Variants in RALGAPB observed in about 807,000 individuals in gnomAD.
RALGAPB encodes ral GTPase-activating protein subunit beta.
In RALGAPB, 25 loss-of-function variants were observed where a neutral mutation model predicts 161.1. The ratio of observed to expected loss-of-function variants is 0.16; its 90% CI spans 0.11 to 0.22. RALGAPB has a LOEUF of 0.22. Ranked by LOEUF, RALGAPB falls within the 10% of genes least tolerant of loss-of-function variation. RALGAPB has a pLI of 1.00. For synonymous variants in RALGAPB, 629 were observed against 626.1 expected (o/e 1.00, Z -0.07); for missense variants, 1,391 against 1,815.2 (o/e 0.77, Z 4.25).
At chr20:38,496,572 G>A (rs1304410453) in intron 3 of RALGAPB, among the ~76,000 whole-genome samples, 2 of 152,028 alleles carry the variant, frequency 1.3e-5, no homozygotes, top group Non-Finnish European at 2.9e-5. Context: ...GGAAAGTGAG[G>A]GTAAGGGCTG....
At chr20:38,541,473 A>AC (rs1156782679) in intron 18 of RALGAPB, among the ~76,000 whole-genome samples, 1 of 150,942 alleles carries the variant, frequency 6.6e-6, no homozygotes, top group East Asian at 1.9e-4. Context: ...GACTTACTGT[A>AC]CCCCCTCACT....
chr20:38,495,483 T>C (rs1316174586), intron 3 of RALGAPB, among the ~76,000 whole-genome samples: 1 of 152,208 alleles, frequency 6.6e-6, no homozygotes, highest in Non-Finnish European at 1.5e-5. Context: ...TCAGTTCTGC[T>C]GGTGTGGCAT....
At chr20:38,496,948 AT>A (rs1336363119) in intron 3 of RALGAPB, among the ~76,000 whole-genome samples, 2 of 152,218 alleles carry the variant, frequency 1.3e-5, no homozygotes, top group East Asian at 1.9e-4. Context: ...GTTTAAAAAA[AT>A]TAAAAAAGAA....
chr20:38,571,534 A>G (rs1365542523), intron 28 of RALGAPB, among the ~76,000 whole-genome samples: 1 of 152,204 alleles, frequency 6.6e-6, no homozygotes, highest in Non-Finnish European at 1.5e-5. Context: ...TGCAGATGGC[A>G]GGATTTCCAT....
rs1263800544 is a variant in RALGAPB at position 38,576,816 on chromosome 20, A to T, written c.*1849A>T. ...AGTTGAAGTGAGCAGAGAAGGCTAT[A>T]AATTAATATGTAACTTACAGCATTC... On this transcript the variant is annotated 3_prime_UTR_variant, in exon 30 of 30. Coordinates refer to ENST00000262879, the MANE Select transcript of RALGAPB (RefSeq NM_020336.4). 1 of 152,650 alleles carries T rather than the reference A, an allele frequency of 6.6e-6. No homozygotes were observed. The highest frequency in any genetic ancestry group is 1.5e-5 in the Non-Finnish European group (1 of 68,040). The allele number at this position is 152,650 out of a possible 1,614,324, so 9.5% of individuals were successfully genotyped here. A position where few individuals can be genotyped will look rare whatever the true frequency, so the allele number is the denominator to read the frequency against.
intron 13 of RALGAPB, 56 bp from the exon 14 acceptor site, chr20:38,531,111 C>T (rs373748054): frequency 2.7e-5 from 37 of 1,361,534 alleles, no homozygotes; most frequent in African/African-American, 5.8e-5. Flanking sequence ...AAATGTCTTA[C>T]GCATTTTAGT....
chr20:38,546,212 A>G (rs756088286), intron 18 of RALGAPB, 31 bp from the exon 19 acceptor site: 34 of 1,611,976 alleles, frequency 2.1e-5, no homozygotes, highest in Non-Finnish European at 2.9e-5. Context: ...TTGCTTTGGG[A>G]ATTAACTGTT....
chr20:38,509,380 G>A lies in RALGAPB; in HGVS notation c.872+172G>A, dbSNP rs75348338. On this transcript the variant is annotated intron_variant, in intron 6 of 29. Coordinates refer to ENST00000262879, the MANE Select transcript of RALGAPB (RefSeq NM_020336.4). The stretch of plus-strand genomic sequence containing the variant: ...CTGTCCTGTGCCTCCTGCTCTCCCC[G>A]TCCCAGCAGGGTTAGGCTGTCCTCA... Among the ~76,000 whole-genome samples the A allele has an allele frequency of 9.4e-3, 1,425 of 152,232 alleles. 8 individuals are homozygous for A. Among genetic ancestry groups the A allele is most frequent in the Middle Eastern group, 0.02 (6 of 294 alleles).
At chr20:38,549,040 G>A (rs2087269540) in intron 20 of RALGAPB, among the ~76,000 whole-genome samples, 1 of 152,068 alleles carries the variant, frequency 6.6e-6, no homozygotes, top group African/African-American at 2.4e-5. Context: ...ATCTACTTAG[G>A]AGTAATTGCT....
intron 6 of RALGAPB, among the ~76,000 whole-genome samples, chr20:38,513,021 A>G (rs2086010865): frequency 6.6e-6 from 1 of 152,036 alleles, no homozygotes; most frequent in Non-Finnish European, 1.5e-5. Flanking sequence ...CGGCCTCTCA[A>G]AGTGCTAGGA....
chr20:38,480,842 G>A (rs1294833866), intron 1 of RALGAPB, among the ~76,000 whole-genome samples: 29 of 136,484 alleles, frequency 2.1e-4, no homozygotes, highest in African/African-American at 7.1e-4. Context: ...GGTTCACACC[G>A]TTCTCCTGCC....
chr20:38,521,037 A>G (rs2086274171), intron 9 of RALGAPB, among the ~76,000 whole-genome samples: 1 of 152,156 alleles, frequency 6.6e-6, no homozygotes, highest in African/African-American at 2.4e-5. Context: ...CCCTCTCCCT[A>G]AAGTATACAG....
chr20:38,523,249 A>G (rs547372945), intron 10 of RALGAPB, among the ~76,000 whole-genome samples: 59 of 152,296 alleles, frequency 3.9e-4, no homozygotes, highest in African/African-American at 1.3e-3. Flanking sequence ...ACTCCTGGGA[A>G]GGAGGATCTA....
At chr20:38,568,895 A>G (rs1242344511) in intron 26 of RALGAPB, 1 of 152,176 alleles carries the variant, frequency 6.6e-6, no homozygotes, top group Non-Finnish European at 1.5e-5. Context: ...TTCCAAGTAG[A>G]CCTGACCTAA....
At position 38,575,026 on chromosome 20, in the gene RALGAPB, G is replaced by T; in HGVS notation, c.*59G>T. 2 of 1,334,092 alleles carry T rather than the reference G, an allele frequency of 1.5e-6. No homozygotes were observed. Among genetic ancestry groups the T allele is most frequent in the Non-Finnish European group, 2.2e-6 (2 of 928,622 alleles). The allele number at this position is 1,334,092 out of a possible 1,614,324, so 82.6% of individuals were successfully genotyped here. On this transcript the variant is annotated 3_prime_UTR_variant, in exon 30 of 30. Coordinates refer to ENST00000262879, the MANE Select transcript of RALGAPB (RefSeq NM_020336.4). ...TTGGGAACTATAACACAGCAGAACA[G>T]TTTGATAGGTGATCACTGTAAAAAT...
intron 18 of RALGAPB, 143 bp from the exon 19 acceptor site, chr20:38,546,100 C>T (rs950139545): frequency 5.6e-6 from 8 of 1,424,348 alleles, no homozygotes; most frequent in Non-Finnish European, 6.6e-6. Context: ...ATGGCATTCA[C>T]CACAAGGAGT....
chr20:38,525,659 A>G (rs1311022585), intron 12 of RALGAPB, 141 bp downstream of exon 12: 3 of 855,020 alleles, frequency 3.5e-6, no homozygotes, highest in Non-Finnish European at 5.4e-6. Context: ...CAAGTGAATT[A>G]ACAAAGTTGA....
Position 38,514,529 on chromosome 20 carries a change from C to T in RALGAPB, c.873-1663C>T, listed in dbSNP as rs113978090. The stretch of plus-strand genomic sequence containing the variant: ...TTTACCTCCTTTCTTAAATGAGCTG[C>T]GACTGGGTAGAAGGCAGGTCATGAG... On this transcript the variant is annotated intron_variant, in intron 6 of 29. Transcript: ENST00000262879. Among the ~76,000 whole-genome samples the T allele has an allele frequency of 4.7e-3, 718 of 152,166 alleles. 5 individuals are homozygous for T. Among genetic ancestry groups the T allele is most frequent in the African/African-American group, 0.017 (694 of 41,502 alleles).
In RALGAPB at chr20:38,508,196, A is replaced by G. The variant is rs554488357; in HGVS notation, c.741-881A>G. 2.0e-5 allele frequency among the ~76,000 whole-genome samples: 3 copies of G among 152,030 alleles called. No individual in the cohort carries two copies. The South Asian group carries it at 6.2e-4, about 32-fold the overall frequency. Reference sequence around the variant, plus strand: ...TGTGTATATGTCAAACATATTACATATAAACATATAAATGTCACAGAAAGA... The same window carrying G: ...TGTGTATATGTCAAACATATTACATGTAAACATATAAATGTCACAGAAAGA... On this transcript the variant is annotated intron_variant, in intron 5 of 29. Coordinates refer to ENST00000262879, the MANE Select transcript of RALGAPB (RefSeq NM_020336.4).
Sources: allele counts gnomAD v4.1 joint callset (sites outside exome capture counted in the v4.1 genomes callset), GRCh38; gene constraint gnomAD v4.1.1; transcripts MANE v1.5; gene names NCBI Gene and HGNC (gene_info 2026-07-23, HGNC 2026-07-21).